GFOD2: variants seen among roughly 807,000 people sequenced by gnomAD.
GFOD2 encodes glucose-fructose oxidoreductase domain-containing protein 2.
Under a neutral mutation model 24.6 loss-of-function variants are expected in GFOD2, and 9 were observed. That is an observed-to-expected ratio of 0.37 (90% CI 0.22 to 0.64). The LOEUF is 0.64. GFOD2 is among the 30% of genes least tolerant of loss of function. The pLI is 0.65. For synonymous variants in GFOD2, 211 were observed against 224.8 expected, an observed-to-expected ratio of 0.94 and a Z score of 0.55; for missense variants, 476 against 532.5, an observed-to-expected ratio of 0.89 and a Z score of 1.04.
At chr16:67,715,161 C>T (rs967330208) in intron 1 of GFOD2, among the ~76,000 whole-genome samples, 1 of 152,082 alleles carries the variant, frequency 6.6e-6, no homozygotes, top group African/African-American at 2.4e-5. Context: ...CGAGTTCAAG[C>T]AATTCTCCCG....
chr16:67,717,804 A>ATAGATAGATAGATAGATAGATAGG (rs2053517815), intron 1 of GFOD2, among the ~76,000 whole-genome samples: 1 of 152,124 alleles, frequency 6.6e-6, no homozygotes, highest in African/African-American at 2.4e-5. Context: ...AGATAGATAG[A>ATAGATAGATAGATAGATAGATAGG]TAGATAGATA....
At position 67,688,736 on chromosome 16, in the gene GFOD2, T is replaced by A. The variant is rs939509046; in HGVS notation, c.-87-2934A>T. ...TAGTACAATATACATAAAATTTACT[T>A]TTTTTTTTTTTTTTTTGAGACGGAG... On this transcript the variant is annotated intron_variant, in intron 1 of 2. Transcript: ENST00000268797. 2.1e-5 allele frequency among the ~76,000 whole-genome samples: 3 copies of A among 142,390 alleles called. No individual in the cohort carries two copies. In the South Asian group the frequency reaches 6.5e-4, roughly 31 times the overall value. The allele number at this position is 142,390 out of a possible 152,430, so 93.4% of individuals were successfully genotyped here.
chr16:67,694,829 G>C (rs1006617890), intron 1 of GFOD2, among the ~76,000 whole-genome samples: 2 of 152,038 alleles, frequency 1.3e-5, no homozygotes, highest in African/African-American at 4.8e-5. Flanking sequence ...CCAATTTCGT[G>C]CCTCTTGTCT....
intron 1 of GFOD2, among the ~76,000 whole-genome samples, chr16:67,705,534 T>C (rs2053433076): frequency 6.6e-6 from 1 of 152,150 alleles, no homozygotes; most frequent in African/African-American, 2.4e-5. Flanking sequence ...CAAGTGTCAT[T>C]ACTTGTTCTG....
intron 1 of GFOD2, among the ~76,000 whole-genome samples, chr16:67,707,232 C>T (rs1384772869): frequency 6.6e-6 from 1 of 151,488 alleles, no homozygotes; most frequent in African/African-American, 2.4e-5. Flanking sequence ...GTGGTGCATG[C>T]CTGTAATCCC....
chr16:67,713,615 A>G (rs546929088), intron 1 of GFOD2, among the ~76,000 whole-genome samples: 94 of 152,288 alleles, frequency 6.2e-4, no homozygotes, highest in African/African-American at 1.9e-3. Flanking sequence ...ACACTTACTT[A>G]TATTTACTGG....
At chr16:67,683,476 A>G in intron 2 of GFOD2, 1 of 1,231,558 alleles carries the variant, frequency 8.1e-7, no homozygotes. Context: ...TAAAGTGTTG[A>G]CTTAGGTCTA....
intron 1 of GFOD2, among the ~76,000 whole-genome samples, chr16:67,687,939 C>T (rs1287588877): frequency 3.3e-5 from 5 of 152,136 alleles, no homozygotes; most frequent in African/African-American, 1.2e-4. Context: ...GACAGTGCCA[C>T]TGCACTCTAG....
At chr16:67,683,960 T>C (rs1400825941) in intron 2 of GFOD2, 23 of 986,312 alleles carry the variant, frequency 2.3e-5, no homozygotes, top group Non-Finnish European at 2.8e-5. Context: ...ATGTGTGTTA[T>C]TTCTAGTTGC....
At chr16:67,676,301 AT>A (rs1034250492) in intron 2 of GFOD2, 1,260 of 413,914 alleles carry the variant, frequency 3.0e-3, no homozygotes, top group South Asian at 4.4e-3. Context: ...CTAATTTAAA[AT>A]TTTTTTTTTG....
chr16:67,677,941 A>G (rs1008010041), intron 2 of GFOD2: 19 of 152,224 alleles, frequency 1.2e-4, no homozygotes, highest in African/African-American at 4.3e-4. Flanking sequence ...AGGTATGTGC[A>G]TCTTCAGTAA....
intron 1 of GFOD2, among the ~76,000 whole-genome samples, chr16:67,701,624 C>T (rs2053403169): frequency 6.6e-6 from 1 of 152,046 alleles, no homozygotes; most frequent in African/African-American, 2.4e-5. Context: ...AACAAAGGGG[C>T]ACAGGGGAAT....
chr16:67,696,535 G>A (rs1345340711), intron 1 of GFOD2, among the ~76,000 whole-genome samples: 2 of 151,708 alleles, frequency 1.3e-5, no homozygotes, highest in Non-Finnish European at 2.9e-5. Flanking sequence ...GTGCAGTGGC[G>A]CGCTCTTGGC....
At chr16:67,682,467 A>G (rs2053234253) in intron 2 of GFOD2, 9 of 985,430 alleles carry the variant, frequency 9.1e-6, no homozygotes, top group Non-Finnish European at 8.4e-6. Flanking sequence ...CACTTAAAAT[A>G]TAATTTCCTG....
At chr16:67,710,668 C>A (rs1355624704) in intron 1 of GFOD2, among the ~76,000 whole-genome samples, 2 of 152,120 alleles carry the variant, frequency 1.3e-5, no homozygotes, top group African/African-American at 2.4e-5. Context: ...GGCCAGTTAG[C>A]CTTATTTTTA....
chr16:67,678,308 C>T (rs768310644), intron 2 of GFOD2, among the ~76,000 whole-genome samples: 31 of 152,062 alleles, frequency 2.0e-4, no homozygotes, highest in Non-Finnish European at 4.1e-4. Context: ...GAAACCCCGT[C>T]TCTACTAAAA....
intron 1 of GFOD2, among the ~76,000 whole-genome samples, chr16:67,703,019 T>C (rs1430576950): frequency 6.6e-6 from 1 of 152,210 alleles, no homozygotes; most frequent in Non-Finnish European, 1.5e-5. Flanking sequence ...GCAGCTTGTA[T>C]AGTGGTTAGA....
intron 1 of GFOD2, among the ~76,000 whole-genome samples, chr16:67,695,335 C>T (rs1396798694): frequency 1.3e-5 from 2 of 151,996 alleles, no homozygotes; most frequent in East Asian, 1.9e-4. Context: ...TCTGCCCCTA[C>T]AGGCTTCTCT....
chr16:67,680,817 G>C, intron 2 of GFOD2: 1 of 976,038 alleles, frequency 1.0e-6, no homozygotes, highest in Non-Finnish European at 1.2e-6. Flanking sequence ...ACAACGTGCA[G>C]GTTTGTTACA....
Sources: gnomAD v4.1 joint callset for allele counts (sites outside exome capture counted in the v4.1 genomes callset) on GRCh38, gnomAD v4.1.1 for gene constraint, MANE v1.5 for transcripts, NCBI Gene and HGNC (gene_info 2026-07-23, HGNC 2026-07-21) for gene names.